The following EXT1 variants were observed in gnomAD, a reference collection of about 807,000 sequenced individuals.
EXT1 encodes exostosin glycosyltransferase 1.
A neutral mutation model predicts 82.5 loss-of-function variants in EXT1; 20 were observed. The ratio of observed to expected loss-of-function variants is 0.24; its 90% CI spans 0.17 to 0.35. The LOEUF is 0.35. Ranked by LOEUF, EXT1 falls within the 10% of genes least tolerant of loss-of-function variation. The probability of loss-of-function intolerance (pLI) is 1.00; values close to 1 mark genes in which losing one functional copy is unlikely to be tolerated. For missense variants in EXT1, 757 were observed against 936.5 expected (o/e 0.81, Z 2.50); for synonymous variants, 348 against 350.8 (o/e 0.99, Z 0.09).
At chr8:118,087,083 T>G (rs139734965) in intron 1 of EXT1, among the ~76,000 whole-genome samples, 4 of 152,322 alleles carry the variant, frequency 2.6e-5, no homozygotes, top group African/African-American at 7.2e-5. Flanking sequence ...AATTCGCCAC[T>G]TCAAGGCTCG....
At chr8:118,091,801 G>A (rs6988721) in intron 1 of EXT1, among the ~76,000 whole-genome samples, 84,547 of 151,028 alleles carry the variant, frequency 0.56, 25,367 homozygotes, top group Middle Eastern at 0.72. Context: ...ATATATATAT[G>A]TATCTTCTAA....
intron 1 of EXT1, among the ~76,000 whole-genome samples, chr8:118,005,902 CG>C (rs756717004): frequency 1.4e-4 from 21 of 152,304 alleles, no homozygotes; most frequent in Non-Finnish European, 5.9e-5. Flanking sequence ...AAATATACTA[CG>C]GCTTACAAGA....
chr8:117,934,550 C>A (rs1014718734), intron 1 of EXT1, among the ~76,000 whole-genome samples: 1 of 152,250 alleles, frequency 6.6e-6, no homozygotes, highest in Non-Finnish European at 1.5e-5. Context: ...AGTTGTCACG[C>A]CCCCTTTCCC....
intron 3 of EXT1, chr8:117,831,582 T>C (rs1229899533): frequency 2.1e-6 from 1 of 471,116 alleles, no homozygotes; most frequent in Non-Finnish European, 4.4e-6. Context: ...GATTTGCAAT[T>C]GCCCTTTTGT....
intron 1 of EXT1, among the ~76,000 whole-genome samples, chr8:117,968,037 A>C (rs936885524): frequency 9.9e-5 from 15 of 152,252 alleles, no homozygotes; most frequent in Non-Finnish European, 1.6e-4. Context: ...ACTATCAACC[A>C]TTTTACTATC....
chr8:118,010,185 A>G (rs545347190), intron 1 of EXT1, among the ~76,000 whole-genome samples: 13 of 151,970 alleles, frequency 8.6e-5, no homozygotes, highest in Non-Finnish European at 1.9e-4. Flanking sequence ...ATCCTGGCTA[A>G]CACAGTGAAA....
chr8:118,074,603 G>T (rs1312993836), intron 1 of EXT1, among the ~76,000 whole-genome samples: 1 of 152,048 alleles, frequency 6.6e-6, no homozygotes, highest in Non-Finnish European at 1.5e-5. Flanking sequence ...CACCAGACGG[G>T]TGAGAACATT....
chr8:117,986,228 C>T (rs1259101643), intron 1 of EXT1, among the ~76,000 whole-genome samples: 6 of 147,712 alleles, frequency 4.1e-5, no homozygotes, highest in African/African-American at 7.5e-5. Flanking sequence ...CTCGCTCTGT[C>T]GCCCAGGCTG....
At chr8:117,812,128 G>A (rs558744014) in intron 8 of EXT1, among the ~76,000 whole-genome samples, 1 of 152,334 alleles carries the variant, frequency 6.6e-6, no homozygotes, top group East Asian at 1.9e-4. Flanking sequence ...ATGCTTTTTA[G>A]TAGTTGCCAT....
At chr8:118,070,126 C>T (rs1817062295) in intron 1 of EXT1, among the ~76,000 whole-genome samples, 1 of 151,814 alleles carries the variant, frequency 6.6e-6, no homozygotes, top group Non-Finnish European at 1.5e-5. Context: ...AATGTAACAC[C>T]GATGGTGCGT....
At chr8:118,101,487 G>A (rs1817718804) in intron 1 of EXT1, among the ~76,000 whole-genome samples, 1 of 152,220 alleles carries the variant, frequency 6.6e-6, no homozygotes, top group African/African-American at 2.4e-5. Context: ...GGTCCATGGA[G>A]TCAACAACCA....
intron 1 of EXT1, among the ~76,000 whole-genome samples, chr8:118,056,872 C>T (rs576797216): frequency 4.7e-4 from 72 of 152,296 alleles, no homozygotes; most frequent in African/African-American, 1.7e-3. Context: ...GCTTGGAAAG[C>T]ATAGCTTAAG....
At chr8:117,912,945 C>T (rs1044252211) in intron 1 of EXT1, among the ~76,000 whole-genome samples, 17 of 152,052 alleles carry the variant, frequency 1.1e-4, no homozygotes, top group African/African-American at 2.7e-4. Context: ...AAAATGTGGC[C>T]GCGCACAGTG....
At chr8:117,895,931 T>C (rs1322533532) in intron 1 of EXT1, among the ~76,000 whole-genome samples, 1 of 152,162 alleles carries the variant, frequency 6.6e-6, no homozygotes, top group Admixed American at 6.6e-5. Context: ...AGCACACAGA[T>C]ATATCATTCC....
chr8:118,001,234 T>C (rs1222515769), intron 1 of EXT1, among the ~76,000 whole-genome samples: 1 of 152,228 alleles, frequency 6.6e-6, no homozygotes, highest in Non-Finnish European at 1.5e-5. Context: ...TCGCTCAGGC[T>C]GGAGTGTAAT....
At position 117,818,903 on chromosome 8, in the gene EXT1, T is replaced by A. The variant is rs545710541; in HGVS notation, c.1537-373A>T. On this transcript the variant is annotated intron_variant, in intron 6 of 10. Transcript: ENST00000378204. Reference sequence around the variant, plus strand: ...TGTGAGATAACAACTCTGATCAAATTAAATAAAAATGTATACTGAGCATCT... The same window carrying A: ...TGTGAGATAACAACTCTGATCAAATAAAATAAAAATGTATACTGAGCATCT... Among the ~76,000 whole-genome samples the A allele has an allele frequency of 4.6e-5, 7 of 152,228 alleles. No homozygotes were observed. In the East Asian group the frequency reaches 1.3e-3, roughly 29 times the overall value.
intron 1 of EXT1, among the ~76,000 whole-genome samples, chr8:117,998,652 A>G (rs1272212346): frequency 2.0e-5 from 3 of 152,180 alleles, no homozygotes; most frequent in Non-Finnish European, 2.9e-5. Context: ...CTGTTGGCTG[A>G]TCATGAGGAT....
chr8:118,030,729 G>A (rs1329577769), intron 1 of EXT1, among the ~76,000 whole-genome samples: 3 of 152,098 alleles, frequency 2.0e-5, no homozygotes, highest in African/African-American at 4.8e-5. Context: ...TGATCTACCC[G>A]CCTCAGCCTC....
chr8:117,908,668 A>G (rs1280568095), intron 1 of EXT1, among the ~76,000 whole-genome samples: 2 of 152,012 alleles, frequency 1.3e-5, no homozygotes, highest in African/African-American at 4.8e-5. Flanking sequence ...ACAAAAAACA[A>G]AAACAAAACA....
Sources: gnomAD v4.1 joint callset for allele counts (sites outside exome capture counted in the v4.1 genomes callset) on GRCh38, gnomAD v4.1.1 for gene constraint, MANE v1.5 for transcripts, NCBI Gene and HGNC (gene_info 2026-07-23, HGNC 2026-07-21) for gene names.